Variants in OPA3 observed in about 807,000 individuals in gnomAD.
OPA3 encodes the protein optic atrophy 3 protein.
A neutral mutation model predicts 4.0 loss-of-function variants in OPA3; 6 were observed. The ratio of observed to expected loss-of-function variants is 1.51; its 90% CI spans 0.83 to 2.99. OPA3 has a LOEUF of 2.99. OPA3 is among the 30% of genes most tolerant of loss of function. The probability of loss-of-function intolerance (pLI) is 0.00; values close to 1 mark genes in which losing one functional copy is unlikely to be tolerated. For missense variants in OPA3, 235 were observed against 256.2 expected (o/e 0.92, Z 0.56); for synonymous variants, 105 against 117.1 (o/e 0.90, Z 0.67).
intron 1 of OPA3, among the ~76,000 whole-genome samples, chr19:45,576,547 C>G (rs866816154): frequency 8.8e-6 from 1 of 113,282 alleles, no homozygotes; most frequent in African/African-American, 3.0e-5. Context: ...CCCCCCCCCC[C>G]AAAAAAAAAA....
At chr19:45,529,568 C>G (rs1278370437) in intron 1 of OPA3, 1 of 1,342,204 alleles carries the variant, frequency 7.5e-7, no homozygotes, top group Non-Finnish European at 1.1e-6. Context: ...TCACCACAAT[C>G]GGACGCGTGC....
At chr19:45,532,285 A>T (rs1969068455) in intron 1 of OPA3, among the ~76,000 whole-genome samples, 2 of 152,098 alleles carry the variant, frequency 1.3e-5, no homozygotes, top group African/African-American at 4.8e-5. Context: ...ACTCTCCTGG[A>T]CCCATGGACC....
intron 1 of OPA3, among the ~76,000 whole-genome samples, chr19:45,534,560 CAA>C (rs71173177): frequency 3.6e-5 from 2 of 54,998 alleles, no homozygotes; most frequent in African/African-American, 8.1e-5. Flanking sequence ...AACTCTGTCC[CAA>C]AAAAAAAAAA....
chr19:45,534,049 C>A (rs1232815351), intron 1 of OPA3, among the ~76,000 whole-genome samples: 1 of 152,340 alleles, frequency 6.6e-6, no homozygotes, highest in African/African-American at 2.4e-5. Context: ...AAGATGATAT[C>A]TTTACAATAT....
Position 45,553,459 on chromosome 19 carries a change from A to T in OPA3, c.*55T>A. ...CGCAGGCAAGGGTGGTGCGGGAAGA[A>T]GGCCACGTTAGGTACATAGGCCATG... On this transcript the variant is annotated 3_prime_UTR_variant, in exon 2 of 2. Coordinates refer to ENST00000263275, the MANE Select transcript of OPA3 (RefSeq NM_025136.4). The T allele has an allele frequency of 6.2e-7, 1 of 1,607,910 alleles. No homozygotes were observed.
Position 45,548,214 on chromosome 19 carries a change from A to G in OPA3, c.*5300T>C. 1 of 985,980 alleles carries G rather than the reference A, an allele frequency of 1.0e-6. No homozygotes were observed. Among genetic ancestry groups the G allele is most frequent in the Non-Finnish European group, 1.2e-6 (1 of 830,292 alleles). 61.1% of individuals were successfully genotyped at this position (985,980 alleles called of 1,614,324 possible). A position where few individuals can be genotyped will look rare whatever the true frequency, so the allele number is the denominator to read the frequency against. On this transcript the variant is annotated 3_prime_UTR_variant, in exon 2 of 2. Transcript: ENST00000263275. ...ACCCAAGCCTGCCACTCAGCAACAC[A>G]GCGACCAGCCCAGGAGTAGCTCCGT...
rs1969706084 is a variant in OPA3 at position 45,572,799 on chromosome 19, A to ATCATACTATATATATAGATATATATG, written c.142+11823_142+11824insCATATATATCTATATATATAGTATGA. ...TATCATACTATATATAGATATATAT[A>ATCATACTATATATATAGATATATATG]TCATACTATATATATAGATATATAT... On this transcript the variant is annotated intron_variant, in intron 1 of 1. Coordinates refer to ENST00000263275, the MANE Select transcript of OPA3 (RefSeq NM_025136.4). Among the ~76,000 whole-genome samples the ATCATACTATATATATAGATATATATG allele has an allele frequency of 5.1e-5, 7 of 136,252 alleles. 1 individual carries two copies. Among genetic ancestry groups the ATCATACTATATATATAGATATATATG allele is most frequent in the African/African-American group, 1.9e-4 (7 of 37,316 alleles). 89.4% of individuals were successfully genotyped at this position (136,252 alleles called of 152,430 possible).
rs368939051 is a variant in OPA3, at chr19:45,553,925, G to A, written c.143-14C>T. 115 of 1,596,994 alleles carry A rather than the reference G, an allele frequency of 7.2e-5. No homozygotes were observed. The African/African-American group carries it at 9.2e-4, about 13-fold the overall frequency. On this transcript the variant is annotated splice_polypyrimidine_tract_variant and intron_variant, in intron 1 of 1. Coordinates refer to ENST00000263275, the MANE Select transcript of OPA3 (RefSeq NM_025136.4). Reference sequence around the variant, plus strand: ...CCCAGTGATACACTGCGGGGGAAGAGAGGGGTCAGGCTGCGCTCTGGGAGC... The same window carrying A: ...CCCAGTGATACACTGCGGGGGAAGAAAGGGGTCAGGCTGCGCTCTGGGAGC...
At chr19:45,579,891 A>T (rs1300112833) in intron 1 of OPA3, among the ~76,000 whole-genome samples, 1 of 152,124 alleles carries the variant, frequency 6.6e-6, no homozygotes, top group Non-Finnish European at 1.5e-5. Context: ...ACAGAATCGG[A>T]AATTGAAGCT....
At position 45,552,292 on chromosome 19, in the gene OPA3, C is replaced by T; in HGVS notation, c.*1222G>A. The T allele has an allele frequency of 1.3e-6, 1 of 760,404 alleles. No homozygotes were observed. The highest frequency in any genetic ancestry group is 1.6e-6 in the Non-Finnish European group (1 of 624,650). 47.1% of individuals were successfully genotyped at this position (760,404 alleles called of 1,614,324 possible). A position where few individuals can be genotyped will look rare whatever the true frequency, so the allele number is the denominator to read the frequency against. On this transcript the variant is annotated 3_prime_UTR_variant, in exon 2 of 2. Transcript: ENST00000263275. ...GCGCAATCTCGGCTCACTGCAACCT[C>T]TGCCTCCCGGGTTCAAGCAATTCTC...
intron 1 of OPA3, among the ~76,000 whole-genome samples, chr19:45,531,250 G>A (rs995390432): frequency 7.2e-5 from 11 of 152,006 alleles, no homozygotes; most frequent in Non-Finnish European, 1.3e-4. Context: ...CTAAACCAGT[G>A]GCATGTGAAG....
At chr19:45,565,191 G>A (rs1009956333) in intron 1 of OPA3, among the ~76,000 whole-genome samples, 2 of 152,042 alleles carry the variant, frequency 1.3e-5, no homozygotes, top group African/African-American at 2.4e-5. Flanking sequence ...CCGAGATGGT[G>A]CCACTGCACT....
exon 2 of OPA3, chr19:45,528,696 T>G: frequency 4.1e-6 from 1 of 246,554 alleles, no homozygotes; most frequent in Non-Finnish European, 7.8e-6. Context: ...AGAATTTTGT[T>G]TTGCCAAAAG....
exon 2 of OPA3, chr19:45,529,162 T>G (rs1969029353): frequency 1.2e-6 from 2 of 1,609,658 alleles, no homozygotes; most frequent in African/African-American, 2.7e-5. Flanking sequence ...CAGGGCGAGC[T>G]GCGTCGACGT....
intron 1 of OPA3, among the ~76,000 whole-genome samples, chr19:45,531,088 C>G (rs118162407): frequency 6.6e-6 from 1 of 151,556 alleles, no homozygotes; most frequent in Non-Finnish European, 1.5e-5. Context: ...CCACACCCAG[C>G]CTATTTTTTT....
At chr19:45,538,845 T>A (rs1434312620) in intron 1 of OPA3, among the ~76,000 whole-genome samples, 1 of 152,160 alleles carries the variant, frequency 6.6e-6, no homozygotes, top group East Asian at 1.9e-4. Flanking sequence ...GAACAACCAC[T>A]AATGCTTCCA....
chr19:45,537,396 C>CAAAAAAAAAAAAAAAAAAAAAAAAAAAAA (rs1181396046), intron 1 of OPA3, among the ~76,000 whole-genome samples: 1 of 28,918 alleles, frequency 3.5e-5, no homozygotes, highest in Admixed American at 5.6e-4. Flanking sequence ...GACTCTGTCT[C>CAAAAAAAAAAAAAAAAAAAAAAAAAAAAA]AAAAAAAAAA....
chr19:45,549,165 A>G lies in OPA3; in HGVS notation c.*4349T>C. On this transcript the variant is annotated 3_prime_UTR_variant, in exon 2 of 2. Coordinates refer to ENST00000263275, the MANE Select transcript of OPA3 (RefSeq NM_025136.4). ...AACTTGAAGATAATCAGCTTCATTTACAAATTTATTCTAACCCCTCTCCCC... is the reference window on the plus strand; with the variant it reads ...AACTTGAAGATAATCAGCTTCATTTGCAAATTTATTCTAACCCCTCTCCCC... The G allele has an allele frequency of 1.0e-6, 1 of 985,394 alleles. No homozygotes were observed. The highest frequency in any genetic ancestry group is 1.2e-6 in the Non-Finnish European group (1 of 829,928). The allele number at this position is 985,394 out of a possible 1,614,324, so 61.0% of individuals were successfully genotyped here. A position where few individuals can be genotyped will look rare whatever the true frequency, so the allele number is the denominator to read the frequency against.
rs1162373884 is a variant in OPA3, at chr19:45,558,225, G to A, written c.143-4314C>T. Among the ~76,000 whole-genome samples the A allele has an allele frequency of 3.9e-5, 6 of 151,970 alleles. No homozygotes were observed. In the East Asian group the frequency reaches 9.7e-4, roughly 24 times the overall value. ...GAGGCCCCTGTAATCCCACCTACTC[G>A]GGAGGCTGAGACAGGAGAATCGCTT... is the stretch of plus-strand genomic sequence containing the variant. On this transcript the variant is annotated intron_variant, in intron 1 of 1. Coordinates refer to ENST00000263275, the MANE Select transcript of OPA3 (RefSeq NM_025136.4).
Sources: gnomAD v4.1 joint callset for allele counts (sites outside exome capture counted in the v4.1 genomes callset) on GRCh38, gnomAD v4.1.1 for gene constraint, MANE v1.5 for transcripts, NCBI Gene and HGNC (gene_info 2026-07-23, HGNC 2026-07-21) for gene names.